LZTR1: variants seen among roughly 807,000 people sequenced by gnomAD.
LZTR1 encodes the protein leucine zipper like post translational regulator 1.
LZTR1 carries 260 observed loss-of-function variants against 105.7 expected under a neutral mutation model. The observed-to-expected ratio is 2.46, with a 90% CI of 2.22 to 2.72. LZTR1 has a LOEUF of 2.72. LZTR1 is among the 30% of genes most tolerant of loss of function. The probability of loss-of-function intolerance (pLI) is 0.00; values close to 1 mark genes in which losing one functional copy is unlikely to be tolerated. For missense variants in LZTR1, 1,214 were observed against 1,166.9 expected, an observed-to-expected ratio of 1.04 and a Z score of -0.59; for synonymous variants, 490 against 476.4, an observed-to-expected ratio of 1.03 and a Z score of -0.37.
At chr22:20,988,942 T>C in intron 6 of LZTR1, 70 bp downstream of exon 6, 1 of 1,370,850 alleles carries the variant, frequency 7.3e-7, no homozygotes. Context: ...CGTCCTGGCA[T>C]TTGAGGGCTT....
In LZTR1 at chr22:20,988,128, T is replaced by C. The variant is rs1924464544; in HGVS notation, c.509+10T>C. On this transcript the variant is annotated intron_variant, in intron 5 of 20. Coordinates refer to ENST00000646124, the MANE Select transcript of LZTR1 (RefSeq NM_006767.4). ...GGAAAATTGAAGGACGGTGAGAAACTTTGCAGAAACATTTGGGACAGGCTG... is the reference window on the plus strand; with the variant it reads ...GGAAAATTGAAGGACGGTGAGAAACCTTGCAGAAACATTTGGGACAGGCTG... 1 of 1,576,488 alleles carries C rather than the reference T, an allele frequency of 6.3e-7. No homozygotes were observed.
chr22:20,988,012 G>T lies in LZTR1; in HGVS notation c.403G>T (p.Gly135Cys), dbSNP rs771188787. 2 of 1,581,876 alleles carry T rather than the reference G, an allele frequency of 1.3e-6. No individual in the cohort carries two copies. Among genetic ancestry groups the T allele is most frequent in the Non-Finnish European group, 8.7e-7 (1 of 1,151,042 alleles). The change falls in exon 5 of 21, where the codon GGT becomes TGT. Residue 135 changes from glycine (G) to cysteine (C), a missense_variant and splice_region_variant. Coordinates refer to ENST00000646124, the MANE Select transcript of LZTR1 (RefSeq NM_006767.4). ...AGTTTCTCACTCTCTTTACTCAGGG[G>T]GTTACACTGGGGACATTTATTCCAA... ...VYGSSMFVFGGYTGDIYSNSN... is the reference protein window; with the variant it reads ...VYGSSMFVFGCYTGDIYSNSN...
chr22:20,996,857 G>GC lies in LZTR1; in HGVS notation c.2326-28dup, dbSNP rs1214263234. 5 of 1,612,360 alleles carry GC rather than the reference G, an allele frequency of 3.1e-6. No homozygotes were observed. In the African/African-American group the frequency reaches 6.7e-5, roughly 21 times the overall value. ...AGCTCCCACTGAGTGGGTGAAAGGG[G>GC]CAGCGCCTCAAGGTCCCTGCCATTG... On this transcript the variant is annotated intron_variant, in intron 19 of 20. Coordinates refer to ENST00000646124, the MANE Select transcript of LZTR1 (RefSeq NM_006767.4).
rs141343103 is a variant in LZTR1 at position 20,995,306 on chromosome 22, G to A, written c.1942+280G>A. The A allele has an allele frequency of 8.0e-5, 53 of 660,434 alleles. 1 individual carries two copies. In the East Asian group the frequency reaches 8.4e-4, roughly 10 times the overall value. The allele number at this position is 660,434 out of a possible 1,614,324, so 40.9% of individuals were successfully genotyped here. A position where few individuals can be genotyped will look rare whatever the true frequency, so the allele number is the denominator to read the frequency against. On this transcript the variant is annotated intron_variant, in intron 16 of 20. Transcript: ENST00000646124. The stretch of plus-strand genomic sequence containing the variant: ...CACCTCTTTCGGGCTAGGATGTCAG[G>A]TCTGATGGCCCAGGGTCACGGTGAT...
intron 4 of LZTR1, 107 bp from the exon 5 acceptor site, chr22:20,987,903 C>A: frequency 1.4e-6 from 1 of 735,748 alleles, no homozygotes; most frequent in Non-Finnish European, 2.4e-6. Flanking sequence ...TGGAAGGAGT[C>A]CTGGCTTATG....
At position 20,997,297 on chromosome 22, in the gene LZTR1, G is replaced by A. The variant is rs1178592357; in HGVS notation, c.2472G>A (p.Leu824=). The A allele has an allele frequency of 1.2e-6, 2 of 1,613,716 alleles. No homozygotes were observed. Among genetic ancestry groups the A allele is most frequent in the African/African-American group, 1.3e-5 (1 of 74,932 alleles). Residue 824 remains leucine, a synonymous_variant, in exon 21 of 21, where the codon CTG becomes CTA. Transcript: ENST00000646124. The part of the protein sequence containing the change: ...QQLLLDIIDS[L]ASHISDKQCA... ...TGCTGCTGGACATCATAGACTCCCT[G>A]GCCTCCCACATCTCAGACAAGCAGT...
rs5752397 is a variant in LZTR1 at position 20,989,766 on chromosome 22, A to G, written c.651+84A>G. 21,720 of 914,616 alleles carry G rather than the reference A, an allele frequency of 0.024. 1,285 individuals are homozygous for G. The highest frequency in any genetic ancestry group is 0.23 in the East Asian group (7,314 of 31,474). The allele number at this position is 914,616 out of a possible 1,614,324, so 56.7% of individuals were successfully genotyped here. A position where few individuals can be genotyped will look rare whatever the true frequency, so the allele number is the denominator to read the frequency against. Reference sequence around the variant, plus strand: ...GGCGCAGGTGGAGGAGGTGAGGGGCATGGGGAGACAGGGTGCAGGTGGAGG... The same window carrying G: ...GGCGCAGGTGGAGGAGGTGAGGGGCGTGGGGAGACAGGGTGCAGGTGGAGG... On this transcript the variant is annotated intron_variant, in intron 7 of 20. Transcript: ENST00000646124.
intron 8 of LZTR1, 28 bp downstream of exon 8, chr22:20,990,553 G>A: frequency 6.3e-7 from 1 of 1,586,266 alleles, no homozygotes; most frequent in African/African-American, 1.3e-5. Flanking sequence ...TGGGGTGGAG[G>A]GAGGACGGTC....
In LZTR1 at chr22:20,996,647, G is replaced by A. The variant is rs11704198; in HGVS notation, c.2220-49G>A. The A allele has an allele frequency of 0.33, 490,451 of 1,505,664 alleles. 85,097 individuals carry two copies. The highest frequency in any genetic ancestry group is 0.4 in the Admixed American group (23,444 of 59,006). The allele number at this position is 1,505,664 out of a possible 1,614,324, so 93.3% of individuals were successfully genotyped here. A position where few individuals can be genotyped will look rare whatever the true frequency, so the allele number is the denominator to read the frequency against. ...GCCCTTCCCTGTCCTTCCCTGGGAGGGTGCGGGCGGACCAGCTTCCTTTAG... is the reference window on the plus strand; with the variant it reads ...GCCCTTCCCTGTCCTTCCCTGGGAGAGTGCGGGCGGACCAGCTTCCTTTAG... On this transcript the variant is annotated intron_variant, in intron 18 of 20. Transcript: ENST00000646124.
intron 17 of LZTR1, 29 bp downstream of exon 17, chr22:20,995,901 G>C: frequency 1.2e-6 from 2 of 1,612,984 alleles, no homozygotes; most frequent in Middle Eastern, 3.3e-4. Flanking sequence ...GGAGGGGAGG[G>C]TGGGCCTGGA....
chr22:20,988,718 C>A, intron 5 of LZTR1, 71 bp from the exon 6 acceptor site: 2 of 1,148,674 alleles, frequency 1.7e-6, no homozygotes, highest in Non-Finnish European at 2.6e-6. Flanking sequence ...CCTGCACTGA[C>A]CACATGGGGC....
In LZTR1 at chr22:20,982,894, C is replaced by A. The variant is rs566015396; in HGVS notation, c.201-133C>A. The A allele has an allele frequency of 3.5e-4, 257 of 734,392 alleles. 3 individuals carry two copies. In the South Asian group the frequency reaches 4.1e-3, roughly 12 times the overall value. 45.5% of individuals were successfully genotyped at this position (734,392 alleles called of 1,614,324 possible). On this transcript the variant is annotated intron_variant, in intron 1 of 20. Transcript: ENST00000646124. The stretch of plus-strand genomic sequence containing the variant: ...TCACTTGCAGGATGATTGGTGTTAT[C>A]TTAGAAGATGATGGATCTTAGCAGT...
chr22:20,990,412 A>G lies in LZTR1; in HGVS notation c.678A>G (p.Pro226=), dbSNP rs200001328. The change falls in exon 8 of 21, where the codon CCA becomes CCG. Residue 226 remains proline, a synonymous_variant. Coordinates refer to ENST00000646124, the MANE Select transcript of LZTR1 (RefSeq NM_006767.4). The part of the protein sequence containing the change: ...EEVAQSGEIP[P]SCCNFPVAVC... ...TGGCCCAGAGTGGCGAGATCCCCCC[A>G]TCTTGCTGCAACTTCCCCGTGGCTG... The G allele has an allele frequency of 2.7e-5, 43 of 1,613,984 alleles. 1 individual carries two copies. In the South Asian group the frequency reaches 4.6e-4, roughly 17 times the overall value.
At position 20,995,838 on chromosome 22, in the gene LZTR1, C is replaced by T. The variant is rs1434258545; in HGVS notation, c.2035C>T (p.Pro679Ser). 2.5e-6 allele frequency: 4 copies of T among 1,613,178 alleles called. No individual in the cohort carries two copies. Among genetic ancestry groups the T allele is most frequent in the East Asian group, 4.5e-5 (2 of 44,842 alleles). ...TCTGTTGCTTGACGGGCACCCACGGCCAGCCCACAAGGCTATCCTGGCCGC... is the reference window on the plus strand; with the variant it reads ...TCTGTTGCTTGACGGGCACCCACGGTCAGCCCACAAGGCTATCCTGGCCGC... The part of the protein sequence containing the change: ...ITLLLDGHPR[P>S]AHKAILAARS... The change falls in exon 17 of 21, where the codon CCA becomes TCA. Residue 679 changes from proline to serine, a missense_variant. Pro to Ser is a moderately conservative substitution (Grantham distance 74). Transcript: ENST00000646124.
At chr22:20,993,314 G>A (rs1924672651) in intron 11 of LZTR1, 1 of 458,368 alleles carries the variant, frequency 2.2e-6, no homozygotes, top group Non-Finnish European at 4.0e-6. Context: ...CAGCTTCCTG[G>A]AGGAGGTTGG....
rs1321280616 is a variant in LZTR1 at position 20,988,709 on chromosome 22, CT to C, written c.510-79del. On this transcript the variant is annotated intron_variant, in intron 5 of 20. Transcript: ENST00000646124. ...TAGCCATGCAGCCTGGCTGTGGCCCCTGCACTGACCACATGGGGCTGGGTGG... is the reference window on the plus strand; with the variant it reads ...TAGCCATGCAGCCTGGCTGTGGCCCCGCACTGACCACATGGGGCTGGGTGG... 4.9e-6 allele frequency: 5 copies of C among 1,021,608 alleles called. 1 individual carries two copies. Among genetic ancestry groups the C allele is most frequent in the Non-Finnish European group, 7.7e-6 (5 of 645,240 alleles). 63.3% of individuals were successfully genotyped at this position (1,021,608 alleles called of 1,614,324 possible).
Position 20,993,858 on chromosome 22 carries a change from G to C in LZTR1, c.1354-66G>C, listed in dbSNP as rs1924698212. The stretch of plus-strand genomic sequence containing the variant: ...TGGCCTGGTGGTGCTGACCTTGGCT[G>C]GCTGGGTCTCTGTTCTCTGGGGCGA... On this transcript the variant is annotated intron_variant, in intron 12 of 20. Transcript: ENST00000646124. The C allele has an allele frequency of 7.0e-6, 11 of 1,574,082 alleles. No individual in the cohort carries two copies. The Admixed American group carries it at 1.9e-4, about 28-fold the overall frequency.
rs765155583 is a variant in LZTR1 at position 20,987,493 on chromosome 22, G to A, written c.321-11G>A. 6 of 1,586,242 alleles carry A rather than the reference G, an allele frequency of 3.8e-6. No individual in the cohort carries two copies. The highest frequency in any genetic ancestry group is 4.3e-6 in the Non-Finnish European group (5 of 1,163,768). Reference sequence around the variant, plus strand: ...CCCCGCTGACTCTCACCACCCCTGTGCCCACCCCAGGGCCTTTACCACTGG... The same window carrying A: ...CCCCGCTGACTCTCACCACCCCTGTACCCACCCCAGGGCCTTTACCACTGG... On this transcript the variant is annotated splice_polypyrimidine_tract_variant and intron_variant, in intron 3 of 20. Coordinates refer to ENST00000646124, the MANE Select transcript of LZTR1 (RefSeq NM_006767.4).
chr22:20,991,594 G>A (rs371158730), intron 8 of LZTR1, 34 bp from the exon 9 acceptor site: 198 of 1,500,102 alleles, frequency 1.3e-4, no homozygotes, highest in Middle Eastern at 4.7e-4. Context: ...AGGAGCCCCT[G>A]TCCCAGCATT....
Sources: gnomAD v4.1 joint callset for allele counts on GRCh38, gnomAD v4.1.1 for gene constraint, MANE v1.5 for transcripts, NCBI Gene and HGNC (gene_info 2026-07-23, HGNC 2026-07-21) for gene names.